Variants in MYO3B observed in about 807,000 individuals in gnomAD.
MYO3B encodes myosin IIIB.
A neutral mutation model predicts 174.6 loss-of-function variants in MYO3B; 156 were observed. The ratio of observed to expected loss-of-function variants is 0.89; its 90% confidence interval spans 0.78 to 1.02. MYO3B has a LOEUF of 1.02. Among genes scored for constraint, MYO3B ranks in the 50% least tolerant of loss-of-function variants. The pLI is 0.00. For synonymous variants in MYO3B, 563 were observed against 569.1 expected, an observed-to-expected ratio of 0.99 and a Z score of 0.15; for missense variants, 1,632 against 1,639.4, an observed-to-expected ratio of 1.00 and a Z score of 0.08.
At chr2:170,321,859 T>C (rs2093829107) in intron 7 of MYO3B, among the ~76,000 whole-genome samples, 1 of 152,144 alleles carries the variant, frequency 6.6e-6, no homozygotes, top group South Asian at 2.1e-4. Flanking sequence ...CTCATACCTG[T>C]AATCCCAGCA....
intron 12 of MYO3B, among the ~76,000 whole-genome samples, chr2:170,385,086 T>C (rs1008132181): frequency 1.3e-5 from 2 of 151,666 alleles, no homozygotes; most frequent in East Asian, 1.9e-4. Context: ...AACAGCCAAA[T>C]AGAAGAGACA....
intron 22 of MYO3B, among the ~76,000 whole-genome samples, chr2:170,417,593 G>A (rs143389674): frequency 1.2e-4 from 18 of 152,276 alleles, no homozygotes; most frequent in African/African-American, 4.3e-4. Context: ...GTCAGGGTTG[G>A]TTCCTTCTGG....
chr2:170,397,154 G>T (rs2094446375), intron 16 of MYO3B, among the ~76,000 whole-genome samples: 1 of 152,152 alleles, frequency 6.6e-6, no homozygotes, highest in Non-Finnish European at 1.5e-5. Context: ...AAAAAAAAAT[G>T]ACATATTGCC....
At chr2:170,415,460 T>C (rs1273754345) in intron 22 of MYO3B, among the ~76,000 whole-genome samples, 1 of 152,258 alleles carries the variant, frequency 6.6e-6, no homozygotes, top group Non-Finnish European at 1.5e-5. Flanking sequence ...TTATTGTCTG[T>C]CTTTCTTCAC....
intron 7 of MYO3B, among the ~76,000 whole-genome samples, chr2:170,293,128 A>G (rs911425248): frequency 6.6e-6 from 1 of 152,018 alleles, no homozygotes; most frequent in African/African-American, 2.4e-5. Context: ...GATGCATCTC[A>G]TCCTCATATT....
chr2:170,529,713 T>C (rs78499527), intron 30 of MYO3B, among the ~76,000 whole-genome samples: 3,281 of 152,312 alleles, frequency 0.022, 60 homozygotes, highest in South Asian at 0.074. Context: ...ATTGAGCCTA[T>C]TTTGAAAAGT....
chr2:170,540,548 G>A (rs1690022310), intron 30 of MYO3B, among the ~76,000 whole-genome samples: 1 of 152,008 alleles, frequency 6.6e-6, no homozygotes, highest in Non-Finnish European at 1.5e-5. Flanking sequence ...CCCAGTAGCT[G>A]GGATTGTAAG....
chr2:170,486,290 G>A (rs1420323200), intron 25 of MYO3B, among the ~76,000 whole-genome samples: 1 of 146,382 alleles, frequency 6.8e-6, no homozygotes, highest in African/African-American at 2.5e-5. Context: ...AAAAATCACA[G>A]AATCCATTCT....
chr2:170,543,001 A>G (rs200884112), intron 31 of MYO3B, 35 bp downstream of exon 31: 1 of 1,567,074 alleles, frequency 6.4e-7, no homozygotes, highest in East Asian at 2.2e-5. Flanking sequence ...GTAAATGTGT[A>G]TCACTCCTTC....
intron 21 of MYO3B, among the ~76,000 whole-genome samples, chr2:170,406,334 ATTATT>A (rs1346162542): frequency 6.6e-6 from 1 of 152,120 alleles, no homozygotes; most frequent in African/African-American, 2.4e-5. Flanking sequence ...GACATTTTTG[ATTATT>A]TTATTAATTT....
intron 32 of MYO3B, among the ~76,000 whole-genome samples, chr2:170,614,851 T>C (rs923925591): frequency 1.5e-4 from 23 of 152,194 alleles, no homozygotes; most frequent in African/African-American, 5.3e-4. Flanking sequence ...GCCCTCCACC[T>C]GTTGCTCTCT....
intron 32 of MYO3B, among the ~76,000 whole-genome samples, chr2:170,614,654 A>C (rs759307400): frequency 2.0e-5 from 3 of 152,166 alleles, no homozygotes; most frequent in African/African-American, 7.2e-5. Context: ...CTGAGATCCC[A>C]TATTTCTGAC....
chr2:170,577,996 A>G (rs1692891961), intron 32 of MYO3B, among the ~76,000 whole-genome samples: 1 of 152,218 alleles, frequency 6.6e-6, no homozygotes, highest in East Asian at 1.9e-4. Context: ...GCACGTTTAC[A>G]TGCACACACA....
intron 30 of MYO3B, among the ~76,000 whole-genome samples, chr2:170,533,425 T>TGGGGGGGGGGG (rs10706524): frequency 1.7e-5 from 2 of 115,756 alleles, no homozygotes; most frequent in African/African-American, 5.6e-5. Flanking sequence ...TTTGTGGGGG[T>TGGGGGGGGGGG]GGGGGGGGGG....
intron 32 of MYO3B, among the ~76,000 whole-genome samples, chr2:170,569,144 C>T (rs559461013): frequency 5.9e-5 from 9 of 152,144 alleles, no homozygotes; most frequent in South Asian, 2.1e-4. Flanking sequence ...ATCATGACTA[C>T]GCTTTCCTAT....
At chr2:170,519,385 C>A in intron 29 of MYO3B, 53 bp from the exon 30 acceptor site, 1 of 1,493,814 alleles carries the variant, frequency 6.7e-7, no homozygotes, top group Non-Finnish European at 9.3e-7. Context: ...GCACCAAAAG[C>A]TAACCCTACC....
At chr2:170,566,601 A>G (rs1356934068) in intron 32 of MYO3B, among the ~76,000 whole-genome samples, 1 of 152,144 alleles carries the variant, frequency 6.6e-6, no homozygotes, top group East Asian at 1.9e-4. Context: ...AACATTTTTC[A>G]CTGATCACTT....
chr2:170,607,444 G>A (rs1166868001), intron 32 of MYO3B, among the ~76,000 whole-genome samples: 3 of 152,204 alleles, frequency 2.0e-5, no homozygotes, highest in African/African-American at 7.2e-5. Flanking sequence ...CATCCTGGGG[G>A]TTATGGCAGA....
chr2:170,630,402 C>A (rs373212872), intron 32 of MYO3B, among the ~76,000 whole-genome samples: 1 of 152,158 alleles, frequency 6.6e-6, no homozygotes, highest in Admixed American at 6.5e-5. Flanking sequence ...CCAGGAAGCT[C>A]GAACTGAGTG....
Sources: gnomAD v4.1 joint callset for allele counts (sites outside exome capture counted in the v4.1 genomes callset) on GRCh38, gnomAD v4.1.1 for gene constraint, MANE v1.5 for transcripts, NCBI Gene and HGNC (gene_info 2026-07-23, HGNC 2026-07-21) for gene names.